RCOR3: variants seen among roughly 807,000 people sequenced by gnomAD.
RCOR3 encodes the protein REST corepressor 3.
RCOR3 carries 13 observed loss-of-function variants against 64.1 expected under a neutral mutation model. The ratio of observed to expected loss-of-function variants is 0.20; its 90% CI spans 0.13 to 0.32. The LOEUF (loss-of-function observed/expected upper bound fraction) is 0.32, where lower values mean the gene tolerates loss of function less well. Ranked by LOEUF, RCOR3 falls within the 10% of genes least tolerant of loss-of-function variation. The pLI, the probability that RCOR3 is intolerant of heterozygous loss-of-function variation, is 1.00. For missense variants in RCOR3, 489 were observed against 701.2 expected, an observed-to-expected ratio of 0.70 and a Z score of 3.42; for synonymous variants, 215 against 239.0, an observed-to-expected ratio of 0.90 and a Z score of 0.93.
intron 2 of RCOR3, among the ~76,000 whole-genome samples, chr1:211,268,120 T>C (rs1571800234): frequency 6.6e-6 from 1 of 152,166 alleles, no homozygotes; most frequent in Non-Finnish European, 1.5e-5. Context: ...AATGATCTTA[T>C]TGTCATGACC....
chr1:211,262,203 A>C (rs2102414656), intron 2 of RCOR3, among the ~76,000 whole-genome samples: 1 of 151,198 alleles, frequency 6.6e-6, no homozygotes, highest in East Asian at 2.0e-4. Context: ...ATGCCTGGCT[A>C]ATTTTTGTAT....
chr1:211,314,032 G>T lies in RCOR3; in HGVS notation c.*264G>T. 3 of 410,016 alleles carry T rather than the reference G, an allele frequency of 7.3e-6. No individual in the cohort carries two copies. The highest frequency in any genetic ancestry group is 4.3e-5 in the East Asian group (1 of 23,376). The allele number at this position is 410,016 out of a possible 1,614,324, so 25.4% of individuals were successfully genotyped here. A position where few individuals can be genotyped will look rare whatever the true frequency, so the allele number is the denominator to read the frequency against. ...TGATCTCATAAAAGGAAAAACAAAA[G>T]ATTTAAGTATTCTATATACCAAGTT... On this transcript the variant is annotated 3_prime_UTR_variant, in exon 12 of 12. Coordinates refer to ENST00000419091, the MANE Select transcript of RCOR3 (RefSeq NM_001136223.3).
chr1:211,270,857 C>CT (rs1420971089), intron 2 of RCOR3, among the ~76,000 whole-genome samples: 567 of 141,960 alleles, frequency 4.0e-3, no homozygotes, highest in African/African-American at 4.7e-3. Flanking sequence ...ATAAAGCTTA[C>CT]TTTTTTTTTT....
At chr1:211,293,086 A>AAAAT (rs10524651) in intron 8 of RCOR3, among the ~76,000 whole-genome samples, 50,489 of 142,802 alleles carry the variant, frequency 0.35, 10,984 homozygotes, top group East Asian at 0.84. Flanking sequence ...TCTGTCTCCA[A>AAAAT]AAATAAATAA....
In RCOR3 at chr1:211,272,172, C is replaced by G. The variant is rs571272363; in HGVS notation, c.301+863C>G. 2.0e-5 allele frequency among the ~76,000 whole-genome samples: 3 copies of G among 152,252 alleles called. No homozygotes were observed. In the South Asian group the frequency reaches 6.2e-4, roughly 32 times the overall value. Reference sequence around the variant, plus strand: ...CTTTCTATTTAAGAGCTATAAAACACCAGCTAAAGGTCTAGCTGGTAATCT... The same window carrying G: ...CTTTCTATTTAAGAGCTATAAAACAGCAGCTAAAGGTCTAGCTGGTAATCT... On this transcript the variant is annotated intron_variant, in intron 3 of 11. Transcript: ENST00000419091.
intron 2 of RCOR3, 128 bp downstream of exon 2, chr1:211,260,292 G>A: frequency 2.6e-6 from 2 of 774,678 alleles, no homozygotes; most frequent in Non-Finnish European, 4.3e-6. Flanking sequence ...CATCCGTGGC[G>A]GGGAGGCTGT....
At chr1:211,301,887 T>A (rs1053366436) in intron 9 of RCOR3, 1 of 152,228 alleles carries the variant, frequency 6.6e-6, no homozygotes, top group African/African-American at 2.4e-5. Context: ...CCAGTTTCTT[T>A]CAGATTTAAT....
At position 211,259,408 on chromosome 1, in the gene RCOR3, A is replaced by G; in HGVS notation, c.-153A>G. On this transcript the variant is annotated 5_prime_UTR_variant, in exon 1 of 12. It removes an upstream start codon present in the reference 5' UTR. Coordinates refer to ENST00000419091, the MANE Select transcript of RCOR3 (RefSeq NM_001136223.3). Reference sequence around the variant, plus strand: ...GCGCTACTGCCGGAGCGGGGCGGTTATGGCGGCTCCATATTAACAGCCTCC... The same window carrying G: ...GCGCTACTGCCGGAGCGGGGCGGTTGTGGCGGCTCCATATTAACAGCCTCC... The G allele has an allele frequency of 1.5e-6, 1 of 667,612 alleles. No individual in the cohort carries two copies. Among genetic ancestry groups the G allele is most frequent in the Non-Finnish European group, 2.4e-6 (1 of 416,326 alleles). 41.4% of individuals were successfully genotyped at this position (667,612 alleles called of 1,614,324 possible). A position where few individuals can be genotyped will look rare whatever the true frequency, so the allele number is the denominator to read the frequency against.
chr1:211,307,276 G>C (rs1367028021), intron 10 of RCOR3, among the ~76,000 whole-genome samples: 1 of 152,054 alleles, frequency 6.6e-6, no homozygotes, highest in Non-Finnish European at 1.5e-5. Context: ...ATCACTTGAG[G>C]CCAGGAGTTC....
At chr1:211,270,622 G>C (rs529345910) in intron 2 of RCOR3, among the ~76,000 whole-genome samples, 6 of 151,786 alleles carry the variant, frequency 4.0e-5, no homozygotes, top group African/African-American at 1.4e-4. Flanking sequence ...TCTAAGTAAT[G>C]TATGGAAGTT....
At position 211,289,775 on chromosome 1, in the gene RCOR3, T is replaced by TTCA. The variant is rs138528802; in HGVS notation, c.939+396_939+398dup. On this transcript the variant is annotated intron_variant, in intron 8 of 11. Coordinates refer to ENST00000419091, the MANE Select transcript of RCOR3 (RefSeq NM_001136223.3). ...TGCTCAGTGAGTGATGGTTGTTGTC[T>TTCA]TCATCATCATCATCATCATTATCAG... 3.2e-3 allele frequency among the ~76,000 whole-genome samples: 487 copies of TTCA among 152,068 alleles called. 1 individual carries two copies. The highest frequency in any genetic ancestry group is 0.011 in the African/African-American group (462 of 41,506).
chr1:211,293,147 C>G (rs1457429877), intron 8 of RCOR3, among the ~76,000 whole-genome samples: 1 of 149,230 alleles, frequency 6.7e-6, no homozygotes, highest in African/African-American at 2.5e-5. Context: ...CAAGGTATTT[C>G]TTTAATCTCT....
At chr1:211,308,250 A>G (rs1040969701) in intron 10 of RCOR3, among the ~76,000 whole-genome samples, 5 of 152,232 alleles carry the variant, frequency 3.3e-5, no homozygotes, top group Admixed American at 6.5e-5. Context: ...TTAAATAATT[A>G]ATGATTCAAA....
intron 7 of RCOR3, among the ~76,000 whole-genome samples, chr1:211,280,259 C>G (rs1474373232): frequency 1.3e-5 from 2 of 152,156 alleles, no homozygotes; most frequent in African/African-American, 4.8e-5. Context: ...GAGAAAGTGT[C>G]AGACAGAAGC....
Position 211,312,650 on chromosome 1 carries a change from G to A in RCOR3, c.1076-70G>A. ...TTCATTGCTGGTATCTTTTGTGTGT[G>A]CATGATGTATAGTACACACAGCTCT... is the stretch of plus-strand genomic sequence containing the variant. On this transcript the variant is annotated intron_variant, in intron 10 of 11. Transcript: ENST00000419091. This position sits in a 1 kb window ranked among gnomAD's most constrained non-coding sequence, Gnocchi z 5.0. The A allele has an allele frequency of 2.0e-6, 2 of 1,023,910 alleles. No individual in the cohort carries two copies. Among genetic ancestry groups the A allele is most frequent in the Non-Finnish European group, 3.0e-6 (2 of 662,818 alleles). 63.4% of individuals were successfully genotyped at this position (1,023,910 alleles called of 1,614,324 possible). A position where few individuals can be genotyped will look rare whatever the true frequency, so the allele number is the denominator to read the frequency against.
At position 211,278,177 on chromosome 1, in the gene RCOR3, T is replaced by G; in HGVS notation, c.577T>G (p.Ser193Ala). The G allele has an allele frequency of 1.2e-6, 2 of 1,611,590 alleles. No homozygotes were observed. Among genetic ancestry groups the G allele is most frequent in the Non-Finnish European group, 1.7e-6 (2 of 1,179,342 alleles). Residue 193 changes from serine (S) to alanine (A), a missense_variant, in exon 6 of 12, where the codon TCT (serine) becomes GCT (alanine). Transcript: ENST00000419091. ...KYYYSWKKTRSRTSLMDRQAR... is the reference protein window; with the variant it reads ...KYYYSWKKTRARTSLMDRQAR... The stretch of plus-strand genomic sequence containing the variant: ...TTACTATTCTTGGAAAAAAACTCGC[T>G]CTAGGACAAGTTTGATGGATCGCCA...
intron 7 of RCOR3, among the ~76,000 whole-genome samples, chr1:211,284,161 C>T (rs1375132567): frequency 6.6e-6 from 1 of 151,922 alleles, no homozygotes; most frequent in African/African-American, 2.4e-5. Context: ...TCACGCCATT[C>T]TCCTACCTCA....
At chr1:211,262,528 C>A (rs1694497478) in intron 2 of RCOR3, among the ~76,000 whole-genome samples, 1 of 152,046 alleles carries the variant, frequency 6.6e-6, no homozygotes, top group African/African-American at 2.4e-5. Context: ...TCAGCAGCTA[C>A]AATTATTTTT....
chr1:211,308,666 TTTTTTTG>T (rs1328391035), intron 10 of RCOR3, among the ~76,000 whole-genome samples: 9 of 25,602 alleles, frequency 3.5e-4, no homozygotes, highest in African/African-American at 6.3e-4. Context: ...GATGTGTTTT[TTTTTTTG>T]TTTTTTTTTT....
Sources: allele counts gnomAD v4.1 joint callset (sites outside exome capture counted in the v4.1 genomes callset), GRCh38; gene constraint gnomAD v4.1.1; non-coding constraint Gnocchi (gnomAD v3.1); transcripts MANE v1.5; gene names NCBI Gene and HGNC (gene_info 2026-07-23, HGNC 2026-07-21).